DCDC1: variants seen among roughly 807,000 people sequenced by gnomAD.
DCDC1 encodes the protein doublecortin domain-containing protein 1.
DCDC1 carries 200 observed loss-of-function variants against 178.3 expected under a neutral mutation model. The ratio of observed to expected loss-of-function variants is 1.12; its 90% CI spans 1.00 to 1.26. The LOEUF (loss-of-function observed/expected upper bound fraction) is 1.26, where lower values mean the gene tolerates loss of function less well. Among genes scored for constraint, DCDC1 ranks in the 50% most tolerant of loss-of-function variants. DCDC1 has a pLI of 0.00. For missense variants in DCDC1, 1,983 were observed against 1,749.2 expected (o/e 1.13, Z -2.38); for synonymous variants, 690 against 604.8 (o/e 1.14, Z -2.07).
intron 9 of DCDC1, among the ~76,000 whole-genome samples, chr11:31,143,755 C>T (rs1964128078): frequency 6.6e-6 from 1 of 152,198 alleles, no homozygotes; most frequent in South Asian, 2.1e-4. Flanking sequence ...TTCAAGAGTG[C>T]CACTTCTCAT....
intron 8 of DCDC1, among the ~76,000 whole-genome samples, chr11:31,262,258 C>T (rs1331904318): frequency 7.1e-6 from 1 of 141,486 alleles, no homozygotes; most frequent in Non-Finnish European, 1.5e-5. Context: ...CAGAGCAAGA[C>T]CTTGTCTCAG....
chr11:31,040,155 T>C (rs778840650), intron 20 of DCDC1, among the ~76,000 whole-genome samples: 2 of 151,778 alleles, frequency 1.3e-5, no homozygotes, highest in African/African-American at 2.4e-5. Context: ...TACAGGACTG[T>C]AAAAATAGAC....
At chr11:31,107,518 A>G (rs561477679) in intron 12 of DCDC1, among the ~76,000 whole-genome samples, 11 of 152,186 alleles carry the variant, frequency 7.2e-5, no homozygotes, top group Non-Finnish European at 1.6e-4. Context: ...ATCTTCAATA[A>G]TGAATGTTTT....
chr11:31,341,204 A>C (rs759108921), intron 1 of DCDC1, among the ~76,000 whole-genome samples: 14 of 152,136 alleles, frequency 9.2e-5, no homozygotes, highest in Non-Finnish European at 1.8e-4. Context: ...GCATTTCAAG[A>C]CAAAGTTCTC....
At chr11:30,873,364 T>TATATAG (rs1228106379) in intron 38 of DCDC1, among the ~76,000 whole-genome samples, 7 of 137,086 alleles carry the variant, frequency 5.1e-5, no homozygotes, top group East Asian at 2.1e-4. Flanking sequence ...TATATATATA[T>TATATAG]AGAGAGAGAG....
chr11:30,938,072 G>A (rs779941648), intron 21 of DCDC1, among the ~76,000 whole-genome samples: 2 of 151,736 alleles, frequency 1.3e-5, no homozygotes, highest in Non-Finnish European at 2.9e-5. Flanking sequence ...AACCTTCCCC[G>A]AGCCCTGCCA....
chr11:30,923,711 A>T (rs983232177), intron 23 of DCDC1, among the ~76,000 whole-genome samples: 3 of 151,694 alleles, frequency 2.0e-5, no homozygotes, highest in Non-Finnish European at 4.4e-5. Flanking sequence ...CTCTGCCTCC[A>T]GGGCTCGTGA....
intron 32 of DCDC1, among the ~76,000 whole-genome samples, 191 bp from the exon 33 acceptor site, chr11:30,900,689 T>C (rs896091194): frequency 6.6e-6 from 1 of 152,068 alleles, no homozygotes. Context: ...AATAAACTAA[T>C]AAGATTGTAA....
At chr11:31,257,865 G>A (rs1944521483) in intron 8 of DCDC1, among the ~76,000 whole-genome samples, 1 of 152,108 alleles carries the variant, frequency 6.6e-6, no homozygotes, top group Admixed American at 6.6e-5. Context: ...ACAGTAACTG[G>A]GACCCAGTGA....
chr11:30,879,701 G>C (rs1349050161), intron 37 of DCDC1, among the ~76,000 whole-genome samples: 1 of 152,174 alleles, frequency 6.6e-6, no homozygotes, highest in Non-Finnish European at 1.5e-5. Flanking sequence ...GAAAATGGTA[G>C]AAAGAGCAAT....
intron 7 of DCDC1, among the ~76,000 whole-genome samples, chr11:31,269,338 A>G (rs1945388643): frequency 6.6e-6 from 1 of 152,080 alleles, no homozygotes; most frequent in African/African-American, 2.4e-5. Context: ...TGTACCTGTT[A>G]AGCTTGTTAA....
chr11:31,185,710 G>A (rs1460653600), intron 9 of DCDC1, among the ~76,000 whole-genome samples: 4 of 152,160 alleles, frequency 2.6e-5, no homozygotes, highest in African/African-American at 9.7e-5. Flanking sequence ...ACCAAGTTTT[G>A]TTTGTTGTCA....
chr11:30,967,482 C>A (rs1313936222), intron 20 of DCDC1, among the ~76,000 whole-genome samples: 2 of 152,108 alleles, frequency 1.3e-5, no homozygotes, highest in Admixed American at 6.6e-5. Context: ...AATCAATGTA[C>A]AAAAATCACA....
chr11:30,958,650 T>C (rs1413795628), intron 20 of DCDC1, among the ~76,000 whole-genome samples: 1 of 152,128 alleles, frequency 6.6e-6, no homozygotes, highest in South Asian at 2.1e-4. Flanking sequence ...ACAGCTAGAA[T>C]ACATGGGTTC....
chr11:31,122,059 G>A (rs2135895079), intron 11 of DCDC1, among the ~76,000 whole-genome samples: 1 of 152,208 alleles, frequency 6.6e-6, no homozygotes, highest in Non-Finnish European at 1.5e-5. Context: ...GTTAGAGATG[G>A]TGTCCAAAGG....
chr11:31,028,144 T>C (rs1202405832), intron 20 of DCDC1, among the ~76,000 whole-genome samples: 1 of 151,906 alleles, frequency 6.6e-6, no homozygotes, highest in Non-Finnish European at 1.5e-5. Context: ...AATAAAGCTA[T>C]TTTTTCTAAC....
chr11:30,991,583 G>A (rs1001859942), intron 20 of DCDC1, among the ~76,000 whole-genome samples: 2 of 152,052 alleles, frequency 1.3e-5, no homozygotes, highest in African/African-American at 4.8e-5. Flanking sequence ...ACGTCACTAG[G>A]TTCTGTGGTT....
At chr11:31,137,374 C>T (rs1302814500) in intron 10 of DCDC1, among the ~76,000 whole-genome samples, 12 of 120,352 alleles carry the variant, frequency 1.0e-4, no homozygotes, top group South Asian at 5.4e-4. Context: ...TTTTTTTTTA[C>T]GGAGTCTCGC....
intron 1 of DCDC1, among the ~76,000 whole-genome samples, chr11:31,367,111 C>G (rs995376004): frequency 3.9e-5 from 6 of 152,282 alleles, no homozygotes; most frequent in African/African-American, 1.4e-4. Flanking sequence ...GCCTGGCCAA[C>G]ATGGTGAAAC....
Sources: allele counts gnomAD v4.1 joint callset (sites outside exome capture counted in the v4.1 genomes callset), GRCh38; gene constraint gnomAD v4.1.1; transcripts MANE v1.5; gene names NCBI Gene and HGNC (gene_info 2026-07-23, HGNC 2026-07-21).